The following IFT172 variants were observed in gnomAD, a reference collection of about 807,000 sequenced individuals.
IFT172 encodes intraflagellar transport 172.
Under a neutral mutation model 248.9 loss-of-function variants are expected in IFT172, and 164 were observed. That is an observed-to-expected ratio of 0.66 (90% CI 0.58 to 0.75). The LOEUF (loss-of-function observed/expected upper bound fraction) is 0.75. Ranked by LOEUF, IFT172 falls within the 30% of genes least tolerant of loss-of-function variation. The pLI is 0.00. For missense variants in IFT172, 1,950 were observed against 2,192.4 expected (o/e 0.89, Z 2.21); for synonymous variants, 729 against 791.6 (o/e 0.92, Z 1.33).
rs1285975087 is a variant in IFT172 at position 27,445,315 on chromosome 2, G to A, written c.5049C>T (p.Ala1683=). 1.9e-6 allele frequency: 3 copies of A among 1,612,940 alleles called. No individual in the cohort carries two copies. The highest frequency in any genetic ancestry group is 2.5e-6 in the Non-Finnish European group (3 of 1,179,566). The change falls in exon 46 of 48, where the codon GCC becomes GCT. Residue 1683 remains alanine (A), a synonymous_variant. Coordinates refer to ENST00000260570, the MANE Select transcript of IFT172 (RefSeq NM_015662.3). The surrounding 1 kb of genome is among the most constrained non-coding windows in gnomAD (Gnocchi z 4.4). ...CTATACCTGTAATAAGGCAGGGCAGGGCTCGAACACCAGTGCTCGCTGCCA... is the reference window on the plus strand; with the variant it reads ...CTATACCTGTAATAAGGCAGGGCAGAGCTCGAACACCAGTGCTCGCTGCCA... ...SLVAASTGVR[A]LPCLITGYPI...
At chr2:27,466,144 A>G (rs1422225955) in intron 16 of IFT172, 11 of 473,718 alleles carry the variant, frequency 2.3e-5, no homozygotes, top group East Asian at 7.4e-5. Flanking sequence ...CAGCAGTACC[A>G]TAAGAGTAAG....
chr2:27,460,926 T>A, intron 23 of IFT172, 89 bp downstream of exon 23: 1 of 1,457,344 alleles, frequency 6.9e-7, no homozygotes, highest in Non-Finnish European at 9.6e-7. Context: ...CACAGGTGTG[T>A]AGGGGCAACC....
At position 27,448,941 on chromosome 2, in the gene IFT172, G is replaced by A. The variant is rs1396579423; in HGVS notation, c.4402C>T (p.Gln1468Ter). Residue 1468 changes from glutamine to a stop codon, truncating the protein, a stop_gained, in exon 40 of 48, where the codon CAG (glutamine) becomes TAG (stop). Coordinates refer to ENST00000260570, the MANE Select transcript of IFT172 (RefSeq NM_015662.3). LOFTEE classifies it high-confidence loss of function. ...SSAQALALYV[Q>*]HGAPANPQNF... ...TGTGGGTTAGCAGGGGCTCCGTGCT[G>A]TACATACAGGGCCAATGCCTGGGCA... 1 of 1,598,096 alleles carries A rather than the reference G, an allele frequency of 6.3e-7. No individual in the cohort carries two copies.
chr2:27,470,343 A>G (rs1667469752), intron 16 of IFT172, among the ~76,000 whole-genome samples: 1 of 152,080 alleles, frequency 6.6e-6, no homozygotes, highest in Non-Finnish European at 1.5e-5. Context: ...GAAAGAACTA[A>G]ACAAATAAAT....
chr2:27,480,920 C>A (rs761248513), intron 8 of IFT172, 126 bp downstream of exon 8: 5 of 701,434 alleles, frequency 7.1e-6, no homozygotes, highest in Non-Finnish European at 1.2e-5. Context: ...AAGAGGAAAG[C>A]GCATGAATTA....
chr2:27,488,781 A>C (rs1484553947), intron 1 of IFT172, among the ~76,000 whole-genome samples: 2 of 152,222 alleles, frequency 1.3e-5, no homozygotes, highest in Non-Finnish European at 2.9e-5. Context: ...ATAAAGGCTA[A>C]AGTTAGAGAT....
In IFT172 at chr2:27,450,050, T is replaced by TTA; in HGVS notation, c.3997_3998insTA (p.Glu1333ValfsTer7). 1 of 1,614,180 alleles carries TTA rather than the reference T, an allele frequency of 6.2e-7. No homozygotes were observed. Among genetic ancestry groups the TTA allele is most frequent in the South Asian group, 1.1e-5 (1 of 91,090 alleles). On this transcript the variant is annotated frameshift_variant, in exon 36 of 48. Coordinates refer to ENST00000260570, the MANE Select transcript of IFT172 (RefSeq NM_015662.3). LOFTEE classifies it high-confidence loss of function. ...CTGGGGTCCTACAGCCAGAACGACT[T>TTA]CCATATTACGTTGGGGAGGCAGAAA...
At chr2:27,478,976 ATC>A (rs1008634073) in intron 10 of IFT172, among the ~76,000 whole-genome samples, 2 of 152,150 alleles carry the variant, frequency 1.3e-5, no homozygotes, top group African/African-American at 4.8e-5. Context: ...TTAAGTGGCA[ATC>A]TCTGCACACC....
At chr2:27,471,215 A>C in intron 15 of IFT172, 120 bp from the exon 16 acceptor site, 1 of 926,950 alleles carries the variant, frequency 1.1e-6, no homozygotes, top group Non-Finnish European at 1.6e-6. Flanking sequence ...TTCATGCTGC[A>C]TTTCAAAGCT....
At position 27,477,231 on chromosome 2, in the gene IFT172, G is replaced by GTTT. The variant is rs759083214; in HGVS notation, c.1310_1311insAAA (p.Met436_Asn437insLys). ...TGTGAGGTTACCTGATGAGGTGGGG[G>GTTT]TTCATGAATTCAGTGCGTACAGAAC... On this transcript the variant is annotated inframe_insertion, in exon 13 of 48. Transcript: ENST00000260570. 3.9e-5 allele frequency: 63 copies of GTTT among 1,613,712 alleles called. No individual in the cohort carries two copies. Among genetic ancestry groups the GTTT allele is most frequent in the Non-Finnish European group, 5.3e-5 (63 of 1,179,642 alleles).
intron 1 of IFT172, among the ~76,000 whole-genome samples, chr2:27,486,727 G>A (rs1265377405): frequency 6.6e-6 from 1 of 152,100 alleles, no homozygotes; most frequent in Non-Finnish European, 1.5e-5. Context: ...CTGCTTTATC[G>A]CTTTGCCCAA....
intron 29 of IFT172, 75 bp downstream of exon 29, chr2:27,457,564 G>T (rs1558372655): frequency 7.8e-7 from 1 of 1,281,056 alleles, no homozygotes; most frequent in Non-Finnish European, 1.1e-6. Context: ...GACAGAGTGA[G>T]ACCCTTTCTG....
rs754912125 is a variant in IFT172 at position 27,462,809 on chromosome 2, G to A, written c.2023-16C>T. On this transcript the variant is annotated splice_polypyrimidine_tract_variant and intron_variant, in intron 19 of 47. Coordinates refer to ENST00000260570, the MANE Select transcript of IFT172 (RefSeq NM_015662.3). ...CTTCTCCGCCCTGTGGGGGAAAAAG[G>A]AGGTTCTGATTTTTCTGTAGGTGCT... The A allele has an allele frequency of 6.2e-7, 1 of 1,613,002 alleles. No homozygotes were observed. The highest frequency in any genetic ancestry group is 2.2e-5 in the East Asian group (1 of 44,884).
Position 27,473,638 on chromosome 2 carries a change from A to G in IFT172, c.1412-1276T>C, listed in dbSNP as rs143783461. Among the ~76,000 whole-genome samples, 638 of 151,840 alleles carry G rather than the reference A, an allele frequency of 4.2e-3. 3 individuals carry two copies. The highest frequency in any genetic ancestry group is 5.9e-3 in the Non-Finnish European group (402 of 67,926). ...AAAGCCATATTTTAATGCCCCAATT[A>G]TAAGTAGAATCAGAGTTCTAGAGTG... On this transcript the variant is annotated intron_variant, in intron 14 of 47. Transcript: ENST00000260570.
In IFT172 at chr2:27,447,869, G is replaced by A. The variant is rs764043437; in HGVS notation, c.4482C>T (p.Thr1494=). ...IFTDMVSSPG[T]NCAEAYHSWA... ...AGCTATGATAGGCCTCGGCACAGTT[G>A]GTTCCAGGAGAGCTCACCATGTCAG... The change falls in exon 41 of 48, where the codon ACC becomes ACT. Residue 1494 remains threonine, a synonymous_variant. Coordinates refer to ENST00000260570, the MANE Select transcript of IFT172 (RefSeq NM_015662.3). The A allele has an allele frequency of 6.2e-7, 1 of 1,613,960 alleles. No homozygotes were observed. The highest frequency in any genetic ancestry group is 1.1e-5 in the South Asian group (1 of 91,076).
In IFT172 at chr2:27,456,628, T is replaced by C. The variant is rs201708546; in HGVS notation, c.3254A>G (p.Asn1085Ser). ...YRVARTQGGA[N>S]AHKHVAYLWA... is the part of the protein sequence containing the mutation. Reference sequence around the variant, plus strand: ...CAGATAGGCCACGTGTTTGTGGGCATTAGCCCCTCCTTGAGTTCTGGCCAC... The same window carrying C: ...CAGATAGGCCACGTGTTTGTGGGCACTAGCCCCTCCTTGAGTTCTGGCCAC... Residue 1085 changes from asparagine to serine, a missense_variant, in exon 30 of 48, where the codon AAT (asparagine) becomes AGT (serine). Transcript: ENST00000260570. 3 of 1,614,034 alleles carry C rather than the reference T, an allele frequency of 1.9e-6. No individual in the cohort carries two copies. Among genetic ancestry groups the C allele is most frequent in the African/African-American group, 2.7e-5 (2 of 75,040 alleles).
At chr2:27,486,859 A>G (rs1187240230) in intron 1 of IFT172, among the ~76,000 whole-genome samples, 1 of 152,224 alleles carries the variant, frequency 6.6e-6, no homozygotes, top group African/African-American at 2.4e-5. Context: ...TTCAATGGAC[A>G]GCTTGCTGAG....
At chr2:27,474,674 C>G (rs1558402144) in intron 14 of IFT172, among the ~76,000 whole-genome samples, 1 of 152,174 alleles carries the variant, frequency 6.6e-6, no homozygotes, top group African/African-American at 2.4e-5. Flanking sequence ...GCCTCAGCCT[C>G]CCGAGTAGCT....
At chr2:27,468,272 G>A (rs545507194) in intron 16 of IFT172, among the ~76,000 whole-genome samples, 3 of 151,278 alleles carry the variant, frequency 2.0e-5, no homozygotes, top group African/African-American at 4.8e-5. Flanking sequence ...TTACTCTGTC[G>A]TTCAGGCTGG....
Sources: allele counts gnomAD v4.1 joint callset (sites outside exome capture counted in the v4.1 genomes callset), GRCh38; gene constraint gnomAD v4.1.1; non-coding constraint Gnocchi (gnomAD v3.1); transcripts MANE v1.5; gene names NCBI Gene and HGNC (gene_info 2026-07-23, HGNC 2026-07-21).